PPFIA2: variants seen among roughly 807,000 people sequenced by gnomAD.
The protein encoded by PPFIA2 is PPFI scaffold protein A2, also known as liprin-alpha-2.
A neutral mutation model predicts 175.5 loss-of-function variants in PPFIA2; 46 were observed. The ratio of observed to expected loss-of-function variants is 0.26; its 90% confidence interval spans 0.21 to 0.34. PPFIA2 has a LOEUF of 0.34. Among genes scored for constraint, PPFIA2 ranks in the 10% least tolerant of loss-of-function variants. PPFIA2 has a pLI of 1.00. For synonymous variants in PPFIA2, 568 were observed against 511.4 expected, an observed-to-expected ratio of 1.11 and a Z score of -1.49; for missense variants, 1,179 against 1,506.1, an observed-to-expected ratio of 0.78 and a Z score of 3.60.
intron 4 of PPFIA2, among the ~76,000 whole-genome samples, chr12:81,545,063 C>T (rs773513248): frequency 6.6e-6 from 1 of 150,926 alleles, no homozygotes; most frequent in Non-Finnish European, 1.5e-5. Context: ...CTTAATGTTT[C>T]TTATGGCTTC....
intron 4 of PPFIA2, among the ~76,000 whole-genome samples, chr12:81,470,155 C>T (rs1167741319): frequency 6.6e-6 from 1 of 152,132 alleles, no homozygotes; most frequent in Non-Finnish European, 1.5e-5. Context: ...AGACAATCCA[C>T]AGAATGAGAC....
intron 4 of PPFIA2, chr12:81,535,515 A>C (rs895662314): frequency 4.4e-6 from 2 of 453,614 alleles, no homozygotes; most frequent in African/African-American, 2.0e-5. Context: ...GAGACACCTA[A>C]AATGAAGAAC....
intron 29 of PPFIA2, 68 bp downstream of exon 29, chr12:81,267,844 T>A (rs2037779870): frequency 7.0e-7 from 1 of 1,431,550 alleles, no homozygotes. Flanking sequence ...AGCCAATTTT[T>A]TTCTAAAAGT....
intron 4 of PPFIA2, among the ~76,000 whole-genome samples, chr12:81,458,768 T>C (rs962966053): frequency 6.6e-6 from 1 of 152,178 alleles, no homozygotes; most frequent in Non-Finnish European, 1.5e-5. Context: ...TATTCTACCT[T>C]ATAAACAAAT....
At chr12:81,283,065 A>G in intron 25 of PPFIA2, 26 bp from the exon 26 acceptor site, 1 of 1,609,614 alleles carries the variant, frequency 6.2e-7, no homozygotes, top group South Asian at 1.1e-5. Context: ...GAAATGATTA[A>G]TAAAGCAGGT....
intron 7 of PPFIA2, among the ~76,000 whole-genome samples, chr12:81,439,527 C>T (rs149620031): frequency 6.6e-6 from 1 of 152,110 alleles, no homozygotes; most frequent in Non-Finnish European, 1.5e-5. Context: ...GAAGTGGATT[C>T]AGTGACGTCA....
chr12:81,654,894 T>C (rs1703213937), intron 4 of PPFIA2, among the ~76,000 whole-genome samples: 1 of 152,174 alleles, frequency 6.6e-6, no homozygotes, highest in Non-Finnish European at 1.5e-5. Flanking sequence ...GGTGGTATAA[T>C]TCCTTCCTTA....
At chr12:81,587,683 T>G (rs1326076033) in intron 4 of PPFIA2, among the ~76,000 whole-genome samples, 6 of 152,042 alleles carry the variant, frequency 3.9e-5, no homozygotes, top group Non-Finnish European at 7.4e-5. Flanking sequence ...ATTACCCAAT[T>G]TATAATAATA....
intron 4 of PPFIA2, among the ~76,000 whole-genome samples, chr12:81,667,963 C>T (rs1356440315): frequency 1.3e-5 from 2 of 151,946 alleles, no homozygotes; most frequent in South Asian, 4.1e-4. Context: ...GGAAAAAAAG[C>T]AAAGTTTTAT....
chr12:81,551,799 G>A (rs2067975209), intron 4 of PPFIA2, among the ~76,000 whole-genome samples: 1 of 151,430 alleles, frequency 6.6e-6, no homozygotes, highest in Admixed American at 6.6e-5. Flanking sequence ...ATCCTTTTAC[G>A]ACCTCCTTAA....
chr12:81,545,747 C>G (rs907580623), intron 4 of PPFIA2: 1 of 152,166 alleles, frequency 6.6e-6, no homozygotes, highest in Non-Finnish European at 1.5e-5. Flanking sequence ...TGCTTAGGAA[C>G]AGTCTATAAA....
chr12:81,259,938 T>C (rs2034815068), intron 32 of PPFIA2: 3 of 290,726 alleles, frequency 1.0e-5, no homozygotes, highest in Non-Finnish European at 1.3e-5. Flanking sequence ...AATGTTAGCA[T>C]GCCTTCTGAA....
intron 3 of PPFIA2, among the ~76,000 whole-genome samples, chr12:81,747,249 G>A (rs1374573262): frequency 1.4e-5 from 2 of 143,958 alleles, no homozygotes; most frequent in African/African-American, 2.4e-5. Flanking sequence ...CAGTGTGCTG[G>A]TATTAGGTTT....
chr12:81,389,702 T>G (rs2039742237), intron 8 of PPFIA2, among the ~76,000 whole-genome samples: 1 of 152,092 alleles, frequency 6.6e-6, no homozygotes, highest in African/African-American at 2.4e-5. Flanking sequence ...AAACCATTGT[T>G]AACTTGACTT....
chr12:81,746,598 T>A lies in PPFIA2; in HGVS notation c.249+7375A>T, dbSNP rs1025597007. ...CAGAGTCAAGGGACTTTTTTGTTGT[T>A]AATTGTACTTGTCATCATTTTAATT... is the stretch of plus-strand genomic sequence containing the variant. On this transcript the variant is annotated intron_variant, in intron 3 of 32. Coordinates refer to ENST00000549396, the MANE Select transcript of PPFIA2 (RefSeq NM_003625.5). 5.5e-5 allele frequency among the ~76,000 whole-genome samples: 8 copies of A among 144,306 alleles called. 2 individuals are homozygous for A. Among genetic ancestry groups the A allele is most frequent in the Non-Finnish European group, 7.8e-5 (5 of 64,292 alleles). The allele number at this position is 144,306 out of a possible 152,430, so 94.7% of individuals were successfully genotyped here. A position where few individuals can be genotyped will look rare whatever the true frequency, so the allele number is the denominator to read the frequency against.
chr12:81,261,339 C>G (rs1367669267), intron 32 of PPFIA2: 1 of 152,154 alleles, frequency 6.6e-6, no homozygotes, highest in East Asian at 1.9e-4. Context: ...GCCTCAGCCT[C>G]CCAAGTAGAT....
chr12:81,642,706 G>GTA lies in PPFIA2; in HGVS notation c.303+34083_303+34084dup, dbSNP rs1447746632. On this transcript the variant is annotated intron_variant, in intron 4 of 32. Transcript: ENST00000549396. ...ATCTATTATATACATACATGTATAT[G>GTA]TATGTATGTATTATATACATACATG... Among the ~76,000 whole-genome samples, 2 of 35,564 alleles carry GTA rather than the reference G, an allele frequency of 5.6e-5. 1 individual carries two copies. The highest frequency in any genetic ancestry group is 1.5e-4 in the Non-Finnish European group (2 of 13,312). 23.3% of individuals were successfully genotyped at this position (35,564 alleles called of 152,430 possible). A position where few individuals can be genotyped will look rare whatever the true frequency, so the allele number is the denominator to read the frequency against.
At chr12:81,559,806 T>TG (rs200082181) in intron 4 of PPFIA2, among the ~76,000 whole-genome samples, 2,211 of 91,590 alleles carry the variant, frequency 0.024, 48 homozygotes, top group East Asian at 0.086. Context: ...GCTTAGTTGT[T>TG]TTTTTTTTTG....
At chr12:81,495,522 G>T (rs1567063303) in intron 4 of PPFIA2, among the ~76,000 whole-genome samples, 1 of 152,060 alleles carries the variant, frequency 6.6e-6, no homozygotes, top group Non-Finnish European at 1.5e-5. Context: ...AAAATGTGTA[G>T]GGCTAGGTAT....
Sources: allele counts gnomAD v4.1 joint callset (sites outside exome capture counted in the v4.1 genomes callset), GRCh38; gene constraint gnomAD v4.1.1; transcripts MANE v1.5; gene names NCBI Gene and HGNC (gene_info 2026-07-23, HGNC 2026-07-21).